The following SCOC variants were observed in gnomAD, a reference collection of about 807,000 sequenced individuals.
SCOC encodes the protein short coiled coil protein.
In SCOC, 7 loss-of-function variants were observed where a neutral mutation model predicts 9.9. That is an observed-to-expected ratio of 0.71 (90% CI 0.40 to 1.33). The LOEUF (loss-of-function observed/expected upper bound fraction) is 1.33. SCOC is among the 40% of genes most tolerant of loss of function. The pLI, the probability that SCOC is intolerant of heterozygous loss-of-function variation, is 0.01. For missense variants in SCOC, 66 were observed against 89.7 expected (o/e 0.74, Z 1.07); for synonymous variants, 19 against 28.2 (o/e 0.67, Z 1.03).
intron 1 of SCOC, among the ~76,000 whole-genome samples, chr4:140,327,271 G>T (rs932518911): frequency 6.6e-6 from 1 of 152,206 alleles, no homozygotes; most frequent in Admixed American, 6.5e-5. Context: ...AGGCTCTGCT[G>T]TCTTTGTCTT....
intron 1 of SCOC, among the ~76,000 whole-genome samples, chr4:140,329,849 G>T (rs567631203): frequency 2.6e-5 from 4 of 152,126 alleles, no homozygotes; most frequent in Admixed American, 6.6e-5. Flanking sequence ...ACACTGCTGG[G>T]AACTGGGAAT....
chr4:140,265,937 A>G (rs1578753777), intron 1 of SCOC, among the ~76,000 whole-genome samples: 1 of 152,284 alleles, frequency 6.6e-6, no homozygotes, highest in East Asian at 1.9e-4. Context: ...TGGTGGAAAG[A>G]CTAAGGCAGC....
At chr4:140,281,738 C>T (rs1731101715) in intron 1 of SCOC, among the ~76,000 whole-genome samples, 1 of 152,150 alleles carries the variant, frequency 6.6e-6, no homozygotes, top group South Asian at 2.1e-4. Flanking sequence ...CTCCTTGCCA[C>T]CTCACTAGCT....
At position 140,381,882 on chromosome 4, in the gene SCOC, G is replaced by GA. The variant is rs1435127077; in HGVS notation, c.*783dup. The GA allele has an allele frequency of 6.6e-6, 1 of 152,048 alleles. No homozygotes were observed. The highest frequency in any genetic ancestry group is 2.4e-5 in the African/African-American group (1 of 41,408). The allele number at this position is 152,048 out of a possible 1,614,324, so 9.4% of individuals were successfully genotyped here. A position where few individuals can be genotyped will look rare whatever the true frequency, so the allele number is the denominator to read the frequency against. ...GTATGTTAAAATAGAAAATTTTGAG[G>GA]AAAAATGGAAATAGGGTGGAAAAGT... On this transcript the variant is annotated 3_prime_UTR_variant, in exon 4 of 4. Coordinates refer to ENST00000608372, the MANE Select transcript of SCOC (RefSeq NM_001153484.2).
intron 2 of SCOC, among the ~76,000 whole-genome samples, chr4:140,347,646 A>G (rs923798686): frequency 1.3e-5 from 2 of 152,108 alleles, no homozygotes; most frequent in East Asian, 3.8e-4. Context: ...GCCCGTTGCT[A>G]TATCCCAGCG....
chr4:140,263,296 AGCAATTTAGGAC>A (rs1320906377), intron 1 of SCOC, among the ~76,000 whole-genome samples: 2 of 152,190 alleles, frequency 1.3e-5, no homozygotes, highest in Admixed American at 1.3e-4. Context: ...TCTTCCACAG[AGCAATTTAGGAC>A]CATCAGTGTT....
intron 3 of SCOC, among the ~76,000 whole-genome samples, chr4:140,380,715 T>G (rs1198693891): frequency 6.6e-6 from 1 of 152,178 alleles, no homozygotes; most frequent in African/African-American, 2.4e-5. Context: ...AAAAACAAAG[T>G]CTTTTTAAAA....
chr4:140,325,054 A>G (rs1732607361), intron 1 of SCOC, among the ~76,000 whole-genome samples: 1 of 152,124 alleles, frequency 6.6e-6, no homozygotes, highest in South Asian at 2.1e-4. Flanking sequence ...GATTTTTAAC[A>G]AAGGTGCCAA....
chr4:140,292,856 C>G (rs556385948), intron 1 of SCOC, among the ~76,000 whole-genome samples: 1 of 152,238 alleles, frequency 6.6e-6, no homozygotes, highest in East Asian at 1.9e-4. Context: ...CAACTGGGAC[C>G]CTGATTTCAT....
At chr4:140,279,203 G>T (rs1009128809) in intron 1 of SCOC, among the ~76,000 whole-genome samples, 1 of 152,060 alleles carries the variant, frequency 6.6e-6, no homozygotes, top group African/African-American at 2.4e-5. Context: ...TTCCTTTAGG[G>T]TGCAGTTCAA....
At chr4:140,348,491 C>T (rs1726834959) in intron 2 of SCOC, among the ~76,000 whole-genome samples, 1 of 151,850 alleles carries the variant, frequency 6.6e-6, no homozygotes, top group South Asian at 2.1e-4. Flanking sequence ...TTTTTTAAGG[C>T]TGAATTCTTC....
At chr4:140,301,676 G>A (rs1299589867) in intron 1 of SCOC, among the ~76,000 whole-genome samples, 2 of 152,098 alleles carry the variant, frequency 1.3e-5, no homozygotes, top group African/African-American at 4.8e-5. Context: ...ACGAGAGTCT[G>A]GGTCTCAGCT....
intron 1 of SCOC, among the ~76,000 whole-genome samples, chr4:140,319,505 GAAAA>G (rs965632484): frequency 2.1e-4 from 32 of 149,748 alleles, no homozygotes; most frequent in African/African-American, 7.8e-4. Flanking sequence ...ATACAGAAAA[GAAAA>G]AAAAATACAA....
intron 2 of SCOC, among the ~76,000 whole-genome samples, chr4:140,367,474 G>C (rs978894599): frequency 1.2e-4 from 19 of 152,068 alleles, no homozygotes; most frequent in African/African-American, 4.3e-4. Flanking sequence ...CTGCCTCCCA[G>C]GTTCAGGCAG....
rs562255556 is a variant in SCOC, at chr4:140,362,300, T to TTCTTCTTCTTCTTCTTCTTCTTC, written c.71-16820_71-16819insCTTCTTCTTCTTCTTCTTCTTCT. 1.4e-3 allele frequency among the ~76,000 whole-genome samples: 51 copies of TTCTTCTTCTTCTTCTTCTTCTTC among 36,588 alleles called. 5 individuals carry two copies. Among genetic ancestry groups the TTCTTCTTCTTCTTCTTCTTCTTC allele is most frequent in the African/African-American group, 5.3e-3 (50 of 9,400 alleles). The allele number at this position is 36,588 out of a possible 152,430, so 24.0% of individuals were successfully genotyped here. On this transcript the variant is annotated intron_variant, in intron 2 of 4. Transcript: ENST00000338517. ...TTACTTCTTCTTCTTCTTCTTCTTCTTTTTTTTTTTTTTTTGTGAGAGTCT... is the reference window on the plus strand; with the variant it reads ...TTACTTCTTCTTCTTCTTCTTCTTCTTCTTCTTCTTCTTCTTCTTCTTCTTTTTTTTTTTTTTTGTGAGAGTCT...
chr4:140,296,394 C>G (rs1335014911), intron 1 of SCOC, among the ~76,000 whole-genome samples: 1 of 152,200 alleles, frequency 6.6e-6, no homozygotes, highest in Non-Finnish European at 1.5e-5. Context: ...GCTGTCTTTT[C>G]TAGCTGGATG....
chr4:140,277,804 T>C (rs917298735), intron 1 of SCOC, among the ~76,000 whole-genome samples: 1 of 152,232 alleles, frequency 6.6e-6, no homozygotes, highest in Non-Finnish European at 1.5e-5. Flanking sequence ...TGTTTGTTTC[T>C]AGGGAAAGGC....
intron 1 of SCOC, among the ~76,000 whole-genome samples, chr4:140,377,136 C>T (rs574734326): frequency 7.2e-5 from 11 of 152,312 alleles, no homozygotes; most frequent in African/African-American, 2.6e-4. Context: ...CCTCTTTTAG[C>T]TGGATCAGTG....
rs1211423114 is a variant in SCOC, at chr4:140,343,812, T to C, written c.70+104T>C. 8 of 703,008 alleles carry C rather than the reference T, an allele frequency of 1.1e-5. 1 individual carries two copies. The African/African-American group carries it at 1.4e-4, about 13-fold the overall frequency. The allele number at this position is 703,008 out of a possible 1,614,324, so 43.5% of individuals were successfully genotyped here. On this transcript the variant is annotated intron_variant, in intron 2 of 4. Transcript: ENST00000338517. ...TCAGTATAATGATAAAGCATACTCATTGTAGAAAACTTGAAAAAATATAGT... is the reference window on the plus strand; with the variant it reads ...TCAGTATAATGATAAAGCATACTCACTGTAGAAAACTTGAAAAAATATAGT...
Sources: gnomAD v4.1 joint callset for allele counts (sites outside exome capture counted in the v4.1 genomes callset) on GRCh38, gnomAD v4.1.1 for gene constraint, MANE v1.5 for transcripts, NCBI Gene and HGNC (gene_info 2026-07-23, HGNC 2026-07-21) for gene names.